The following OSBPL1A variants were observed in gnomAD, a reference collection of about 807,000 sequenced individuals.
OSBPL1A encodes oxysterol binding protein like 1A.
OSBPL1A carries 80 observed loss-of-function variants against 137.1 expected under a neutral mutation model. The ratio of observed to expected loss-of-function variants is 0.58; its 90% CI spans 0.49 to 0.70. OSBPL1A has a LOEUF of 0.70. Among genes scored for constraint, OSBPL1A ranks in the 30% least tolerant of loss-of-function variants. OSBPL1A has a pLI of 0.00. For synonymous variants in OSBPL1A, 365 were observed against 389.7 expected, an observed-to-expected ratio of 0.94 and a Z score of 0.75; for missense variants, 970 against 1,129.4, an observed-to-expected ratio of 0.86 and a Z score of 2.02.
chr18:24,315,799 G>GTATATATTATATAATAAAATATATAA (rs1568021737), intron 11 of OSBPL1A, among the ~76,000 whole-genome samples: 7 of 67,782 alleles, frequency 1.0e-4, no homozygotes. Flanking sequence ...ATAATATATA[G>GTATATATTATATAATAAAATATATAA]TATATATTAT....
intron 13 of OSBPL1A, among the ~76,000 whole-genome samples, chr18:24,305,397 A>G (rs2090480115): frequency 6.6e-6 from 1 of 152,052 alleles, no homozygotes; most frequent in Non-Finnish European, 1.5e-5. Context: ...AGAAGATCCA[A>G]TCTACACATA....
At chr18:24,263,049 G>A (rs1201575346) in intron 15 of OSBPL1A, among the ~76,000 whole-genome samples, 4 of 152,054 alleles carry the variant, frequency 2.6e-5, no homozygotes, top group Non-Finnish European at 5.9e-5. Context: ...CTCTGTCTCT[G>A]AAAATAGCTT....
chr18:24,358,338 C>T (rs1568050996), intron 4 of OSBPL1A: 2 of 627,712 alleles, frequency 3.2e-6, no homozygotes, highest in East Asian at 2.7e-5. Context: ...ATCATCTCCT[C>T]TGCAAAGCTT....
At chr18:24,189,772 T>C (rs1040702964) in intron 18 of OSBPL1A, among the ~76,000 whole-genome samples, 1 of 152,198 alleles carries the variant, frequency 6.6e-6, no homozygotes, top group Non-Finnish European at 1.5e-5. Flanking sequence ...TGTCCCGGGA[T>C]AGCTGCCTGC....
At chr18:24,210,009 T>A (rs574075796) in intron 17 of OSBPL1A, among the ~76,000 whole-genome samples, 4 of 152,352 alleles carry the variant, frequency 2.6e-5, no homozygotes, top group Admixed American at 1.3e-4. Context: ...ACTTTCACTA[T>A]ATAAAAATTA....
At chr18:24,389,064 G>A (rs539974794) in intron 1 of OSBPL1A, among the ~76,000 whole-genome samples, 1 of 152,212 alleles carries the variant, frequency 6.6e-6, no homozygotes, top group South Asian at 2.1e-4. Flanking sequence ...TTCCAGAAAA[G>A]CGCTTTGTCT....
chr18:24,332,385 CAAAAAAA>C (rs71163675), intron 7 of OSBPL1A, among the ~76,000 whole-genome samples: 45 of 53,052 alleles, frequency 8.5e-4, no homozygotes, highest in African/African-American at 3.5e-3. Flanking sequence ...GACTCTGTCT[CAAAAAAA>C]AAAAAAAAAA....
intron 16 of OSBPL1A, among the ~76,000 whole-genome samples, chr18:24,237,806 C>T (rs914305528): frequency 1.3e-5 from 2 of 152,126 alleles, no homozygotes; most frequent in South Asian, 2.1e-4. Context: ...ATTCTCCCTC[C>T]GACCTCCCTC....
intron 18 of OSBPL1A, among the ~76,000 whole-genome samples, chr18:24,194,064 A>T (rs1247740603): frequency 6.6e-6 from 1 of 152,232 alleles, no homozygotes; most frequent in Non-Finnish European, 1.5e-5. Context: ...GAACAAATTC[A>T]TAACACCAAC....
At chr18:24,187,976 T>C (rs1432121032) in intron 18 of OSBPL1A, among the ~76,000 whole-genome samples, 1 of 152,234 alleles carries the variant, frequency 6.6e-6, no homozygotes, top group East Asian at 1.9e-4. Flanking sequence ...TTTCCCTTTA[T>C]TGTACACAAC....
chr18:24,218,394 C>A (rs1380781764), intron 17 of OSBPL1A: 1 of 152,100 alleles, frequency 6.6e-6, no homozygotes, highest in Non-Finnish European at 1.5e-5. Context: ...CATGAAGTGT[C>A]CCATATTTTT....
intron 14 of OSBPL1A, among the ~76,000 whole-genome samples, chr18:24,293,113 AAAAAAAAAAAAAAAAG>A (rs1219977558): frequency 9.4e-6 from 1 of 106,858 alleles, no homozygotes; most frequent in Non-Finnish European, 2.1e-5. Flanking sequence ...TCAAAAAAAA[AAAAAAAAAAAAAAAAG>A]AAAAGAAAAG....
chr18:24,276,190 A>G (rs776606528), intron 15 of OSBPL1A, among the ~76,000 whole-genome samples: 2 of 152,228 alleles, frequency 1.3e-5, no homozygotes, highest in Non-Finnish European at 2.9e-5. Flanking sequence ...TCGATAGTAC[A>G]CAAAATGAGG....
rs116104691 is a variant in OSBPL1A at position 24,302,908 on chromosome 18, G to T, written c.1174+729C>A. On this transcript the variant is annotated intron_variant, in intron 14 of 27. Transcript: ENST00000319481. The stretch of plus-strand genomic sequence containing the variant: ...TGGATGAGGGCACTGAAGCTCGCAA[G>T]AGTTAAAAGTGTTGTTCGAAGTAAC... 4.0e-3 allele frequency among the ~76,000 whole-genome samples: 614 copies of T among 152,248 alleles called. 2 individuals carry two copies. Among genetic ancestry groups the T allele is most frequent in the African/African-American group, 0.014 (597 of 41,514 alleles).
At chr18:24,275,842 C>T (rs1358285785) in intron 15 of OSBPL1A, among the ~76,000 whole-genome samples, 1 of 152,008 alleles carries the variant, frequency 6.6e-6, no homozygotes, top group African/African-American at 2.4e-5. Flanking sequence ...ATTCTCCTGC[C>T]TCAGCCTCCC....
intron 17 of OSBPL1A, among the ~76,000 whole-genome samples, chr18:24,216,231 C>T (rs925950401): frequency 4.6e-5 from 7 of 152,152 alleles, no homozygotes; most frequent in South Asian, 4.1e-4. Flanking sequence ...ACTGGCCAAG[C>T]GCAGTGGCTC....
At chr18:24,332,370 A>G (rs2091094481) in intron 7 of OSBPL1A, among the ~76,000 whole-genome samples, 1 of 130,016 alleles carries the variant, frequency 7.7e-6, no homozygotes, top group Non-Finnish European at 1.6e-5. Context: ...TGGGCAACAG[A>G]GAGAGACTCT....
chr18:24,334,299 T>C lies in OSBPL1A; in HGVS notation c.426A>G (p.Glu142=). 6.2e-7 allele frequency: 1 copy of C among 1,612,344 alleles called. No homozygotes were observed. Among genetic ancestry groups the C allele is most frequent in the Non-Finnish European group, 8.5e-7 (1 of 1,179,428 alleles). ...CTCTTGCTGCTGCTAAAAGTAATTCTTCAAGCTTTCTTTGTTGAGTCCTTT... is the reference window on the plus strand; with the variant it reads ...CTCTTGCTGCTGCTAAAAGTAATTCCTCAAGCTTTCTTTGTTGAGTCCTTT... The part of the protein sequence containing the change: ...AVERTQQRKL[E]ELLLAAAREG... Residue 142 remains glutamate, a synonymous_variant, in exon 6 of 28, where the codon GAA becomes GAG. Transcript: ENST00000319481.
chr18:24,255,469 CCTCA>C (rs1242362254), intron 15 of OSBPL1A, among the ~76,000 whole-genome samples: 1 of 152,128 alleles, frequency 6.6e-6, no homozygotes, highest in Non-Finnish European at 1.5e-5. Context: ...TGTCCCCTCT[CCTCA>C]CTAAGATAAA....
Sources: allele counts gnomAD v4.1 joint callset (sites outside exome capture counted in the v4.1 genomes callset), GRCh38; gene constraint gnomAD v4.1.1; transcripts MANE v1.5; gene names NCBI Gene and HGNC (gene_info 2026-07-23, HGNC 2026-07-21).